Variants in SGSM1 observed in about 807,000 individuals in gnomAD.
SGSM1 encodes RUN and TBC1 domain containing 2.
Under a neutral mutation model 133.8 loss-of-function variants are expected in SGSM1, and 73 were observed. That is an observed-to-expected ratio of 0.55 (90% CI 0.45 to 0.66). SGSM1 has a LOEUF of 0.66. SGSM1 is among the 30% of genes least tolerant of loss of function. SGSM1 has a pLI of 0.00. For missense variants in SGSM1, 1,213 were observed against 1,448.1 expected (o/e 0.84, Z 2.64); for synonymous variants, 563 against 573.0 (o/e 0.98, Z 0.25).
At chr22:24,912,301 T>C (rs1933656609) in intron 21 of SGSM1, among the ~76,000 whole-genome samples, 1 of 152,186 alleles carries the variant, frequency 6.6e-6, no homozygotes, top group Non-Finnish European at 1.5e-5. Context: ...TGTCCAGATA[T>C]TAATAGAGGA....
intron 8 of SGSM1, 67 bp from the exon 9 acceptor site, chr22:24,859,649 G>C (rs749316214): frequency 6.2e-7 from 1 of 1,603,456 alleles, no homozygotes; most frequent in African/African-American, 1.3e-5. Flanking sequence ...TAAATCAAAC[G>C]GGCCAGGACC....
intron 4 of SGSM1, among the ~76,000 whole-genome samples, chr22:24,849,247 T>TAAA (rs377102485): frequency 2.1e-5 from 3 of 142,552 alleles, no homozygotes; most frequent in South Asian, 4.5e-4. Context: ...AGTATTTTAT[T>TAAA]AAAAAAAAAA....
intron 2 of SGSM1, among the ~76,000 whole-genome samples, chr22:24,828,344 C>T (rs753898961): frequency 6.6e-6 from 1 of 152,114 alleles, no homozygotes; most frequent in Non-Finnish European, 1.5e-5. Context: ...TAATAATGCT[C>T]TTTTGAGGAT....
At chr22:24,878,254 T>C (rs11912400) in intron 13 of SGSM1, among the ~76,000 whole-genome samples, 2,424 of 152,242 alleles carry the variant, frequency 0.016, 66 homozygotes, top group African/African-American at 0.055. Context: ...CAAGTAACTC[T>C]TGGGCTGATG....
chr22:24,838,735 T>C (rs983406337), intron 2 of SGSM1, among the ~76,000 whole-genome samples: 2 of 152,222 alleles, frequency 1.3e-5, no homozygotes, highest in African/African-American at 4.8e-5. Flanking sequence ...ATGTGTGTTT[T>C]TTTTTAATGA....
chr22:24,867,459 A>C (rs1381350286), intron 10 of SGSM1, among the ~76,000 whole-genome samples: 4 of 152,232 alleles, frequency 2.6e-5, no homozygotes, highest in African/African-American at 9.6e-5. Context: ...CTAAGCAGTG[A>C]TAATGTGCTA....
rs527693523 is a variant in SGSM1, at chr22:24,846,984, G to A, written c.140-650G>A. 2.0e-5 allele frequency among the ~76,000 whole-genome samples: 3 copies of A among 152,070 alleles called. No individual in the cohort carries two copies. In the South Asian group the frequency reaches 6.2e-4, roughly 32 times the overall value. On this transcript the variant is annotated intron_variant, in intron 3 of 24. Transcript: ENST00000400358. ...GCCTCCTGAGTAGCTGGGACTACAG[G>A]CGGCCGCCCCCACACCTGGCTAATT...
intron 2 of SGSM1, among the ~76,000 whole-genome samples, chr22:24,829,125 G>C (rs971647123): frequency 6.6e-6 from 1 of 152,126 alleles, no homozygotes; most frequent in Admixed American, 6.5e-5. Context: ...GAACCCGGGA[G>C]GTGGAGCTTG....
At chr22:24,816,644 ATCCGCCTGCCTTGGCCTCCC>A (rs1309387554) in intron 2 of SGSM1, among the ~76,000 whole-genome samples, 23 of 152,016 alleles carry the variant, frequency 1.5e-4, no homozygotes, top group African/African-American at 5.6e-4. Context: ...TGACCTTGTG[ATCCGCCTGCCTTGGCCTCCC>A]AAAGCGCTGG....
chr22:24,841,565 G>A (rs779987562), intron 2 of SGSM1, among the ~76,000 whole-genome samples: 17 of 152,276 alleles, frequency 1.1e-4, no homozygotes, highest in Non-Finnish European at 2.1e-4. Flanking sequence ...AGATCCTTCT[G>A]GCTGTATTAA....
intron 19 of SGSM1, among the ~76,000 whole-genome samples, chr22:24,899,592 G>A (rs921325818): frequency 6.0e-5 from 9 of 149,054 alleles, no homozygotes; most frequent in African/African-American, 9.9e-5. Flanking sequence ...GCGTGATCTC[G>A]GCTCACTGCA....
intron 2 of SGSM1, among the ~76,000 whole-genome samples, chr22:24,811,878 A>AAG (rs1158152493): frequency 6.7e-6 from 1 of 150,256 alleles, no homozygotes; most frequent in East Asian, 2.0e-4. Context: ...CAAAAAAAAA[A>AAG]AAAAAAATTA....
At chr22:24,867,564 G>A (rs952163384) in intron 10 of SGSM1, among the ~76,000 whole-genome samples, 2 of 152,336 alleles carry the variant, frequency 1.3e-5, no homozygotes, top group South Asian at 2.1e-4. Flanking sequence ...AGAGGAAGCA[G>A]CTTAGTATAA....
intron 19 of SGSM1, among the ~76,000 whole-genome samples, chr22:24,899,138 C>G (rs1227994240): frequency 6.7e-6 from 1 of 150,220 alleles, no homozygotes; most frequent in Non-Finnish European, 1.5e-5. Context: ...ATGTAGTAAA[C>G]TGTCCTAATT....
chr22:24,880,597 G>T (rs1446510005), intron 14 of SGSM1, among the ~76,000 whole-genome samples: 2 of 152,358 alleles, frequency 1.3e-5, no homozygotes, highest in African/African-American at 4.8e-5. Context: ...GAGAGGCAGG[G>T]AGAGTGTGAC....
intron 1 of SGSM1, 28 bp from the exon 2 acceptor site, chr22:24,806,413 C>G: frequency 1.3e-6 from 2 of 1,522,268 alleles, no homozygotes; most frequent in Non-Finnish European, 1.8e-6. Context: ...TCTCGGCTGA[C>G]CCGCGGCTCT....
intron 8 of SGSM1, chr22:24,856,121 C>A (rs1930773288): frequency 2.8e-5 from 10 of 357,158 alleles, no homozygotes; most frequent in South Asian, 2.1e-4. Flanking sequence ...AGGCTTCTAT[C>A]CATCTGTTCG....
intron 3 of SGSM1, among the ~76,000 whole-genome samples, chr22:24,846,410 A>G (rs1034628091): frequency 6.6e-6 from 1 of 152,068 alleles, no homozygotes; most frequent in African/African-American, 2.4e-5. Context: ...GTATATATAC[A>G]TATATATGTA....
chr22:24,835,457 CAG>C (rs1055906647), intron 2 of SGSM1, among the ~76,000 whole-genome samples: 3 of 151,970 alleles, frequency 2.0e-5, no homozygotes, highest in African/African-American at 7.3e-5. Context: ...GCCATTACGT[CAG>C]AGAGTTAGGG....
Sources: gnomAD v4.1 joint callset for allele counts (sites outside exome capture counted in the v4.1 genomes callset) on GRCh38, gnomAD v4.1.1 for gene constraint, MANE v1.5 for transcripts, NCBI Gene and HGNC (gene_info 2026-07-23, HGNC 2026-07-21) for gene names.